The following NUP210L variants were observed in gnomAD, a reference collection of about 807,000 sequenced individuals.
NUP210L encodes the protein nucleoporin 210 like, also known as nuclear pore membrane glycoprotein 210-like.
Under a neutral mutation model 208.5 loss-of-function variants are expected in NUP210L, and 74 were observed. The observed-to-expected ratio is 0.35, with a 90% CI of 0.29 to 0.43. The LOEUF is 0.43. Ranked by LOEUF, NUP210L falls within the 20% of genes least tolerant of loss-of-function variation. The probability of loss-of-function intolerance (pLI) is 1.00; values close to 1 mark genes in which losing one functional copy is unlikely to be tolerated. For missense variants in NUP210L, 1,843 were observed against 2,289.4 expected, an observed-to-expected ratio of 0.81 and a Z score of 3.98; for synonymous variants, 780 against 816.9, an observed-to-expected ratio of 0.95 and a Z score of 0.77.
intron 16 of NUP210L, among the ~76,000 whole-genome samples, chr1:154,078,551 C>T (rs1655157323): frequency 6.7e-6 from 1 of 148,678 alleles, no homozygotes; most frequent in Admixed American, 6.8e-5. Context: ...ACTATGATCA[C>T]ATCACTGCAC....
chr1:153,993,085 G>A (rs747193146), exon 39 of NUP210L: 5 of 1,611,494 alleles, frequency 3.1e-6, no homozygotes, highest in Non-Finnish European at 4.2e-6. Context: ...GGAAGGCATT[G>A]TATGCTGGAA....
exon 5 of NUP210L, chr1:154,139,853 A>G (rs1362059869): frequency 3.1e-6 from 5 of 1,613,716 alleles, no homozygotes; most frequent in Non-Finnish European, 4.2e-6. Context: ...CACCAGTTCT[A>G]ATCCCAGACA....
intron 30 of NUP210L, among the ~76,000 whole-genome samples, chr1:154,024,993 T>C (rs1320198658): frequency 6.9e-6 from 1 of 144,166 alleles, no homozygotes; most frequent in African/African-American, 2.6e-5. Context: ...AGTGGCGTGA[T>C]CTTGGCTCAC....
rs752940411 is a variant in NUP210L at position 154,022,212 on chromosome 1, G to A, written c.4430C>T (p.Ala1477Val). Reference sequence around the variant, plus strand: ...GTCTGGCTCAATGGCATGCTCTACAGCAACAGGAATATAATCTGCCATGCC... The same window carrying A: ...GTCTGGCTCAATGGCATGCTCTACAACAACAGGAATATAATCTGCCATGCC... Residue 1477 changes from alanine to valine, a missense_variant, in exon 32 of 40, where the codon GCT becomes GTT. Ala to Val is a moderately conservative substitution (Grantham distance 64, BLOSUM62 0). Around this residue, in one of 5 missense-constraint regions of NUP210L, gnomAD observed 781 missense variants for 973.8 expected, o/e 0.80. Transcript: ENST00000368559. 2 of 1,614,108 alleles carry A rather than the reference G, an allele frequency of 1.2e-6. No individual in the cohort carries two copies. The highest frequency in any genetic ancestry group is 1.7e-6 in the Non-Finnish European group (2 of 1,180,010).
At chr1:154,073,887 T>C (rs1044565481) in intron 16 of NUP210L, among the ~76,000 whole-genome samples, 2 of 151,946 alleles carry the variant, frequency 1.3e-5, no homozygotes, top group African/African-American at 2.4e-5. Flanking sequence ...AGCAGGCTCA[T>C]AGGTAAGCTG....
intron 10 of NUP210L, among the ~76,000 whole-genome samples, chr1:154,123,069 A>AAAAAAAAAAAAAAAAAAAAAT (rs371321267): frequency 7.0e-6 from 1 of 142,888 alleles, no homozygotes. Context: ...AAAAAAAAAA[A>AAAAAAAAAAAAAAAAAAAAAT]CCACAAAAAA....
At chr1:154,137,782 A>C (rs566972058) in intron 6 of NUP210L, among the ~76,000 whole-genome samples, 1 of 152,176 alleles carries the variant, frequency 6.6e-6, no homozygotes, top group Non-Finnish European at 1.5e-5. Flanking sequence ...ATTGGTCTCC[A>C]ACTTCTGGCC....
chr1:154,131,237 A>C (rs1447557684), intron 7 of NUP210L, among the ~76,000 whole-genome samples: 1 of 149,964 alleles, frequency 6.7e-6, no homozygotes, highest in Non-Finnish European at 1.5e-5. Context: ...GCGCCACTGC[A>C]CTCCAGCCCG....
intron 29 of NUP210L, among the ~76,000 whole-genome samples, chr1:154,026,370 C>T (rs1651876707): frequency 2.0e-5 from 3 of 152,202 alleles, no homozygotes; most frequent in Middle Eastern, 3.4e-3. Flanking sequence ...TTTTTTGAGA[C>T]GGAGTTTCGC....
chr1:154,081,458 G>A (rs983196673), intron 16 of NUP210L, among the ~76,000 whole-genome samples: 1 of 152,042 alleles, frequency 6.6e-6, no homozygotes, highest in African/African-American at 2.4e-5. Flanking sequence ...GTTATTTATG[G>A]TGGCCCCCTT....
intron 12 of NUP210L, 36 bp downstream of exon 12, chr1:154,117,689 T>C (rs1318447151): frequency 2.6e-6 from 4 of 1,549,182 alleles, no homozygotes; most frequent in Non-Finnish European, 3.5e-6. Context: ...ACAGTAGTGT[T>C]GTAGGGGTAA....
chr1:154,062,567 C>CTTTTTTTTTTTT (rs34499821), intron 17 of NUP210L, among the ~76,000 whole-genome samples: 293 of 75,012 alleles, frequency 3.9e-3, no homozygotes, highest in Non-Finnish European at 4.5e-3. Context: ...TTTCTTTTTC[C>CTTTTTTTTTTTT]TTTTTTTTTT....
chr1:154,055,169 T>C (rs1468558731), intron 23 of NUP210L, among the ~76,000 whole-genome samples: 20 of 128,764 alleles, frequency 1.6e-4, no homozygotes, highest in African/African-American at 5.0e-4. Context: ...CTTTCTTTCT[T>C]TCTTTCTTTC....
rs899647073 is a variant in NUP210L, at chr1:154,154,337, C to A, written c.203+505G>T. Among the ~76,000 whole-genome samples the A allele has an allele frequency of 7.9e-5, 12 of 152,190 alleles. No homozygotes were observed. In the East Asian group the frequency reaches 2.1e-3, roughly 27 times the overall value. Reference sequence around the variant, plus strand: ...ACACATGTAAAGTGCTTAGTTAACCCCCAATACTTGGCTGTTGTGTTTTAA... The same window carrying A: ...ACACATGTAAAGTGCTTAGTTAACCACCAATACTTGGCTGTTGTGTTTTAA... On this transcript the variant is annotated intron_variant, in intron 1 of 39. Coordinates refer to ENST00000368559, the Ensembl canonical transcript of NUP210L.
chr1:154,055,054 C>T (rs1209397139), intron 23 of NUP210L, among the ~76,000 whole-genome samples: 1 of 152,096 alleles, frequency 6.6e-6, no homozygotes, highest in Non-Finnish European at 1.5e-5. Context: ...GTGTGCACCA[C>T]CATGCCTGAC....
At chr1:154,089,723 T>A (rs1655808933) in intron 15 of NUP210L, 129 bp from the exon 16 acceptor site, 3 of 707,410 alleles carry the variant, frequency 4.2e-6, no homozygotes, top group Admixed American at 2.6e-5. Flanking sequence ...ATCCGGCAAA[T>A]CCCTTAAAGA....
At chr1:154,031,183 G>A (rs764138844) in intron 27 of NUP210L, among the ~76,000 whole-genome samples, 13 of 152,108 alleles carry the variant, frequency 8.5e-5, no homozygotes, top group Non-Finnish European at 1.6e-4. Context: ...CCGCCTCCTG[G>A]GTTCAAGCAA....
chr1:154,056,949 T>A lies in NUP210L; in HGVS notation c.3108-2A>T. 5 of 1,607,648 alleles carry A rather than the reference T, an allele frequency of 3.1e-6. No homozygotes were observed. The highest frequency in any genetic ancestry group is 4.2e-6 in the Non-Finnish European group (5 of 1,178,152). ...TATTCGTCCTGTTGCTCCATTGGTCTGCAAAAACCCATGTATTTTCAGGTG... is the reference window on the plus strand; with the variant it reads ...TATTCGTCCTGTTGCTCCATTGGTCAGCAAAAACCCATGTATTTTCAGGTG... On this transcript the variant is annotated splice_acceptor_variant, in intron 22 of 39. Transcript: ENST00000368559. LOFTEE classifies it high-confidence loss of function.
intron 38 of NUP210L, 108 bp downstream of exon 38, chr1:153,994,968 C>CGTG (rs1389189060): frequency 3.2e-6 from 2 of 630,336 alleles, no homozygotes; most frequent in Non-Finnish European, 5.3e-6. Flanking sequence ...GCCAAGATTG[C>CGTG]GCCACTGCAC....
Sources: gnomAD v4.1 joint callset for allele counts (sites outside exome capture counted in the v4.1 genomes callset) on GRCh38, gnomAD v4.1.1 for gene constraint, gnomAD v4.1.1 regional missense constraint, MANE v1.5 for transcripts, NCBI Gene and HGNC (gene_info 2026-07-23, HGNC 2026-07-21) for gene names.